ITGA4: variants seen among roughly 807,000 people sequenced by gnomAD.
ITGA4 encodes the protein integrin subunit alpha 4.
Under a neutral mutation model 133.6 loss-of-function variants are expected in ITGA4, and 63 were observed. The observed-to-expected ratio is 0.47, with a 90% CI of 0.38 to 0.58. ITGA4 has a LOEUF of 0.58. ITGA4 is among the 20% of genes least tolerant of loss of function. The pLI, the probability that ITGA4 is intolerant of heterozygous loss-of-function variation, is 0.00. For missense variants in ITGA4, 1,076 were observed against 1,252.7 expected (o/e 0.86, Z 2.13); for synonymous variants, 483 against 438.0 (o/e 1.10, Z -1.28).
At chr2:181,504,108 A>G (rs1282417258) in intron 15 of ITGA4, among the ~76,000 whole-genome samples, 1 of 152,046 alleles carries the variant, frequency 6.6e-6, no homozygotes, top group Non-Finnish European at 1.5e-5. Context: ...AAGCAATGAG[A>G]TTTCCTGTTT....
At chr2:181,520,450 G>A (rs1042269439) in intron 17 of ITGA4, among the ~76,000 whole-genome samples, 38 of 152,150 alleles carry the variant, frequency 2.5e-4, no homozygotes, top group African/African-American at 8.9e-4. Flanking sequence ...TGAAGGCAAT[G>A]TATGGTTCTC....
In ITGA4 at chr2:181,535,511, A is replaced by G; in HGVS notation, c.3083A>G (p.Lys1028Arg). Residue 1028 changes from lysine (K) to arginine (R), a missense_variant, in exon 28 of 28, where the codon AAA (lysine) becomes AGA (arginine). By Grantham distance (26) the Lys-to-Arg change is conservative. This residue lies in a region of ITGA4 where 193 missense variants were observed against 172.3 expected (regional missense o/e 1.12). Coordinates refer to ENST00000397033, the MANE Select transcript of ITGA4 (RefSeq NM_000885.6). The stretch of plus-strand genomic sequence containing the variant: ...GACAGTTGGAGTTATATCAACAGTA[A>G]AAGCAATGATGATTAAGGACTTCTT... ...RRDSWSYINSKSNDD is the reference protein window; with the variant it reads ...RRDSWSYINSRSNDD The G allele has an allele frequency of 1.2e-6, 2 of 1,609,276 alleles. No individual in the cohort carries two copies. Among genetic ancestry groups the G allele is most frequent in the African/African-American group, 2.7e-5 (2 of 74,854 alleles).
intron 2 of ITGA4, among the ~76,000 whole-genome samples, chr2:181,461,657 T>A (rs1685282437): frequency 3.9e-5 from 6 of 152,194 alleles, no homozygotes; most frequent in Admixed American, 3.9e-4. Flanking sequence ...TAGAAATGAT[T>A]ATCAAATTAC....
chr2:181,480,389 G>T (rs1391191180), intron 6 of ITGA4, 123 bp downstream of exon 6: 1 of 487,792 alleles, frequency 2.1e-6, no homozygotes. Flanking sequence ...GTAATAATTA[G>T]GCAGTTCAGA....
chr2:181,523,398 C>T lies in ITGA4; in HGVS notation c.2074-39C>T. 8.3e-7 allele frequency: 1 copy of T among 1,205,656 alleles called. No individual in the cohort carries two copies. The highest frequency in any genetic ancestry group is 1.2e-6 in the Non-Finnish European group (1 of 810,500). The allele number at this position is 1,205,656 out of a possible 1,614,324, so 74.7% of individuals were successfully genotyped here. ...AACATATGTTACAAACTTTTTATTTCCTTCCTGTCCAAAACAGTTGTTTCA... is the reference window on the plus strand; with the variant it reads ...AACATATGTTACAAACTTTTTATTTTCTTCCTGTCCAAAACAGTTGTTTCA... On this transcript the variant is annotated intron_variant, in intron 18 of 27. Coordinates refer to ENST00000397033, the MANE Select transcript of ITGA4 (RefSeq NM_000885.6). This position sits in a 1 kb window ranked among gnomAD's most constrained non-coding sequence, Gnocchi z 4.2.
At chr2:181,502,411 A>G (rs1686294747) in intron 15 of ITGA4, among the ~76,000 whole-genome samples, 1 of 152,142 alleles carries the variant, frequency 6.6e-6, no homozygotes, top group Non-Finnish European at 1.5e-5. Context: ...GCTGATAGGC[A>G]TGCTGCAATA....
At chr2:181,502,453 G>T (rs1053798229) in intron 15 of ITGA4, among the ~76,000 whole-genome samples, 15 of 152,072 alleles carry the variant, frequency 9.9e-5, no homozygotes, top group African/African-American at 3.4e-4. Flanking sequence ...TGTGACAGGG[G>T]AGAAGAGCTG....
intron 17 of ITGA4, among the ~76,000 whole-genome samples, chr2:181,521,686 C>T (rs929751345): frequency 4.6e-5 from 7 of 152,190 alleles, no homozygotes; most frequent in Non-Finnish European, 7.3e-5. Context: ...TTTAGTGCCA[C>T]GCACTTGTGG....
At position 181,499,485 on chromosome 2, in the gene ITGA4, A is replaced by G. The variant is rs375540792; in HGVS notation, c.1695+708A>G. ...AACGGTGTACTTCATCAGAAAATCT[A>G]TTGTCACAAAAAACCAAACTATTCC... On this transcript the variant is annotated intron_variant, in intron 15 of 27. Coordinates refer to ENST00000397033, the MANE Select transcript of ITGA4 (RefSeq NM_000885.6). Among the ~76,000 whole-genome samples, 13 of 152,136 alleles carry G rather than the reference A, an allele frequency of 8.5e-5. No individual in the cohort carries two copies. The East Asian group carries it at 1.3e-3, about 16-fold the overall frequency.
In ITGA4 at chr2:181,538,403, A is replaced by T. The variant is rs904970342; in HGVS notation, c.*2876A>T. On this transcript the variant is annotated 3_prime_UTR_variant, in exon 28 of 28. Coordinates refer to ENST00000397033, the MANE Select transcript of ITGA4 (RefSeq NM_000885.6). ...GAAAACTGAGAAGGTCTGATTGATAAATCATCAACAACAATAATTGCTCTA... is the reference window on the plus strand; with the variant it reads ...GAAAACTGAGAAGGTCTGATTGATATATCATCAACAACAATAATTGCTCTA... 6.6e-6 allele frequency among the ~76,000 whole-genome samples: 1 copy of T among 152,176 alleles called. No homozygotes were observed. Among genetic ancestry groups the T allele is most frequent in the Non-Finnish European group, 1.5e-5 (1 of 68,020 alleles).
intron 25 of ITGA4, among the ~76,000 whole-genome samples, chr2:181,532,002 C>T (rs1023048399): frequency 3.3e-5 from 5 of 152,144 alleles, no homozygotes; most frequent in African/African-American, 1.2e-4. Context: ...AGGCCAGGCA[C>T]AGTGGCTCAT....
intron 15 of ITGA4, among the ~76,000 whole-genome samples, chr2:181,501,130 G>A (rs952216291): frequency 3.3e-5 from 5 of 152,098 alleles, no homozygotes; most frequent in African/African-American, 1.2e-4. Flanking sequence ...CACCTGTAGG[G>A]CTTCTGAAAA....
intron 2 of ITGA4, among the ~76,000 whole-genome samples, chr2:181,467,749 A>C (rs1685454731): frequency 6.6e-6 from 1 of 152,212 alleles, no homozygotes; most frequent in Non-Finnish European, 1.5e-5. Flanking sequence ...ATATTTCTAG[A>C]GTTCTATGCT....
At position 181,523,076 on chromosome 2, in the gene ITGA4, G is replaced by A. The variant is rs962604285; in HGVS notation, c.2074-361G>A. On this transcript the variant is annotated intron_variant, in intron 18 of 27. Transcript: ENST00000397033. The surrounding 1 kb of genome is among the most constrained non-coding windows in gnomAD (Gnocchi z 4.2). ...AGGAATTCAGACCCTGGATTAAATA[G>A]GGAATATATCAAGATAAATGAAAGC... 3.3e-5 allele frequency among the ~76,000 whole-genome samples: 5 copies of A among 152,014 alleles called. No homozygotes were observed. The highest frequency in any genetic ancestry group is 2.6e-4 in the Admixed American group (4 of 15,250).
At position 181,478,695 on chromosome 2, in the gene ITGA4, A is replaced by G. The variant is rs2105730452; in HGVS notation, c.557-62A>G. 4.1e-6 allele frequency: 3 copies of G among 730,246 alleles called. No homozygotes were observed. The East Asian group carries it at 9.0e-5, about 22-fold the overall frequency. The allele number at this position is 730,246 out of a possible 1,614,324, so 45.2% of individuals were successfully genotyped here. A position where few individuals can be genotyped will look rare whatever the true frequency, so the allele number is the denominator to read the frequency against. On this transcript the variant is annotated intron_variant, in intron 4 of 27. Coordinates refer to ENST00000397033, the MANE Select transcript of ITGA4 (RefSeq NM_000885.6). ...GGACATTTTTGTAAGGATTTAAGAA[A>G]CAAATTATGGAGATTTTATCTTTAA...
rs1574396189 is a variant in ITGA4, at chr2:181,495,329, A to G, written c.1340-42A>G. The G allele has an allele frequency of 1.3e-6, 2 of 1,490,140 alleles. No individual in the cohort carries two copies. The highest frequency in any genetic ancestry group is 2.8e-5 in the African/African-American group (2 of 72,498). 92.3% of individuals were successfully genotyped at this position (1,490,140 alleles called of 1,614,324 possible). A position where few individuals can be genotyped will look rare whatever the true frequency, so the allele number is the denominator to read the frequency against. ...TATGGCTGAAAAATAATTCTCTTTG[A>G]CTAATGATGATCATTAATCTGTGTT... On this transcript the variant is annotated intron_variant, in intron 12 of 27. Transcript: ENST00000397033. The surrounding 1 kb of genome is among the most constrained non-coding windows in gnomAD (Gnocchi z 4.3).
intron 2 of ITGA4, among the ~76,000 whole-genome samples, chr2:181,460,404 A>G (rs1387525183): frequency 2.0e-5 from 3 of 152,224 alleles, no homozygotes; most frequent in African/African-American, 7.2e-5. Flanking sequence ...GCTTGAAGCT[A>G]TAAAATAGGG....
rs1293977488 is a variant in ITGA4, at chr2:181,466,759, CTAAAT to C, written c.320-8197_320-8193del. On this transcript the variant is annotated intron_variant, in intron 2 of 27. Coordinates refer to ENST00000397033, the MANE Select transcript of ITGA4 (RefSeq NM_000885.6). ...AAGTATTAGGACTTAAAAGGAAAAA[CTAAAT>C]TAAGGGGCCATTTTAATTAAAAAGC... is the stretch of plus-strand genomic sequence containing the variant. 2.0e-5 allele frequency among the ~76,000 whole-genome samples: 3 copies of C among 152,024 alleles called. No individual in the cohort carries two copies. The South Asian group carries it at 6.2e-4, about 31-fold the overall frequency.
chr2:181,497,979 G>C (rs1403530338), intron 14 of ITGA4, among the ~76,000 whole-genome samples: 1 of 151,332 alleles, frequency 6.6e-6, no homozygotes, highest in African/African-American at 2.4e-5. Context: ...TTTATTGAGA[G>C]AATTTTTTAA....
Sources: allele counts gnomAD v4.1 joint callset (sites outside exome capture counted in the v4.1 genomes callset), GRCh38; gene constraint gnomAD v4.1.1; regional missense constraint gnomAD v4.1.1; non-coding constraint Gnocchi (gnomAD v3.1); transcripts MANE v1.5; gene names NCBI Gene and HGNC (gene_info 2026-07-23, HGNC 2026-07-21).